Variants in TPMT observed in about 807,000 individuals in gnomAD.
TPMT encodes S-adenosyl-L-methionine:thiopurine S-methyltransferase.
A neutral mutation model predicts 34.2 loss-of-function variants in TPMT; 18 were observed. That is an observed-to-expected ratio of 0.53 (90% CI 0.36 to 0.78). TPMT has a LOEUF of 0.78. TPMT is among the 30% of genes least tolerant of loss of function. The pLI is 0.00. For synonymous variants in TPMT, 69 were observed against 92.4 expected (o/e 0.75, Z 1.45); for missense variants, 265 against 288.1 (o/e 0.92, Z 0.58).
In TPMT at chr6:18,132,350, C is replaced by T. The variant is rs1253346476; in HGVS notation, c.581-173G>A. Reference sequence around the variant, plus strand: ...ACTTACTGAGAGGATGGCAATGTTACATCCCCATCATATCCATCTTTAGCT... The same window carrying T: ...ACTTACTGAGAGGATGGCAATGTTATATCCCCATCATATCCATCTTTAGCT... On this transcript the variant is annotated intron_variant, in intron 7 of 8. Coordinates refer to ENST00000309983, the MANE Select transcript of TPMT (RefSeq NM_000367.5). This position sits in a 1 kb window ranked among gnomAD's most constrained non-coding sequence, Gnocchi z 4.8. Among the ~76,000 whole-genome samples, 1 of 152,168 alleles carries T rather than the reference C, an allele frequency of 6.6e-6. No individual in the cohort carries two copies. The highest frequency in any genetic ancestry group is 1.5e-5 in the Non-Finnish European group (1 of 68,032).
intron 6 of TPMT, among the ~76,000 whole-genome samples, chr6:18,137,764 G>A (rs904134967): frequency 1.3e-5 from 2 of 152,098 alleles, no homozygotes; most frequent in African/African-American, 4.8e-5. Context: ...GTCTAACAAA[G>A]GGATCATGAG....
Position 18,146,074 on chromosome 6 carries a change from T to C in TPMT, c.233+1749A>G, listed in dbSNP as rs1561891212. On this transcript the variant is annotated intron_variant, in intron 3 of 8. Transcript: ENST00000309983. This position sits in a 1 kb window ranked among gnomAD's most constrained non-coding sequence, Gnocchi z 6.2. ...TTTCTATTCACATCTCATGTCTGTA[T>C]AGACCTCAATACATAGATCAGTTAC... 6.6e-6 allele frequency among the ~76,000 whole-genome samples: 1 copy of C among 152,222 alleles called. No individual in the cohort carries two copies. Among genetic ancestry groups the C allele is most frequent in the East Asian group, 1.9e-4 (1 of 5,200 alleles).
rs1582048920 is a variant in TPMT, at chr6:18,150,167, G to T, written c.-44-996C>A. Among the ~76,000 whole-genome samples the T allele has an allele frequency of 6.6e-6, 1 of 152,168 alleles. No individual in the cohort carries two copies. The highest frequency in any genetic ancestry group is 1.5e-5 in the Non-Finnish European group (1 of 68,036). On this transcript the variant is annotated intron_variant, in intron 1 of 8. Transcript: ENST00000309983. The surrounding 1 kb of genome is among the most constrained non-coding windows in gnomAD (Gnocchi z 5.3). ...CACTTTGGGTTTGCTTAATTTGCTAGAGCAACTCACAAACCTCAGAGAAAT... is the reference window on the plus strand; with the variant it reads ...CACTTTGGGTTTGCTTAATTTGCTATAGCAACTCACAAACCTCAGAGAAAT...
Position 18,130,385 on chromosome 6 carries a change from C to A in TPMT, c.*283G>T. ...TTTTTAATTGTACAGGTAACACATG[C>A]TGATTGGTAAAATATCTTGCAATCT... On this transcript the variant is annotated 3_prime_UTR_variant, in exon 9 of 9. Transcript: ENST00000309983. The surrounding 1 kb of genome is among the most constrained non-coding windows in gnomAD (Gnocchi z 4.2). The A allele has an allele frequency of 2.9e-6, 1 of 349,500 alleles. No individual in the cohort carries two copies. Among genetic ancestry groups the A allele is most frequent in the Non-Finnish European group, 5.3e-6 (1 of 188,178 alleles). The allele number at this position is 349,500 out of a possible 1,614,324, so 21.6% of individuals were successfully genotyped here.
rs1454458643 is a variant in TPMT, at chr6:18,149,830, A to C, written c.-44-659T>G. On this transcript the variant is annotated intron_variant, in intron 1 of 8. Transcript: ENST00000309983. The surrounding 1 kb of genome is among the most constrained non-coding windows in gnomAD (Gnocchi z 5.0). ...TCAGTGCGTCTGGTGGTAGAATAAT[A>C]CCCCTTAATACACATTACAAGAGAT... is the stretch of plus-strand genomic sequence containing the variant. Among the ~76,000 whole-genome samples, 1 of 152,036 alleles carries C rather than the reference A, an allele frequency of 6.6e-6. No individual in the cohort carries two copies. The highest frequency in any genetic ancestry group is 1.5e-5 in the Non-Finnish European group (1 of 68,006).
In TPMT at chr6:18,146,054, A is replaced by T. The variant is rs1265694623; in HGVS notation, c.233+1769T>A. On this transcript the variant is annotated intron_variant, in intron 3 of 8. Coordinates refer to ENST00000309983, the MANE Select transcript of TPMT (RefSeq NM_000367.5). The surrounding 1 kb of genome is among the most constrained non-coding windows in gnomAD (Gnocchi z 6.2). Reference sequence around the variant, plus strand: ...GCCTTAGCTCATGGTCAGTTTTTCTATTCACATCTCATGTCTGTATAGACC... The same window carrying T: ...GCCTTAGCTCATGGTCAGTTTTTCTTTTCACATCTCATGTCTGTATAGACC... Among the ~76,000 whole-genome samples the T allele has an allele frequency of 6.6e-6, 1 of 152,132 alleles. No individual in the cohort carries two copies. The highest frequency in any genetic ancestry group is 1.5e-5 in the Non-Finnish European group (1 of 68,026).
At position 18,148,005 on chromosome 6, in the gene TPMT, T is replaced by A; in HGVS notation, c.141-90A>T. On this transcript the variant is annotated intron_variant, in intron 2 of 8. Transcript: ENST00000309983. This position sits in a 1 kb window ranked among gnomAD's most constrained non-coding sequence, Gnocchi z 4.1. ...ATCTCACTTAATATTCCCAACAACC[T>A]TAATAAGCAGTTACTATTAATTATT... 1 of 1,017,320 alleles carries A rather than the reference T, an allele frequency of 9.8e-7. No homozygotes were observed. The highest frequency in any genetic ancestry group is 1.5e-6 in the Non-Finnish European group (1 of 651,526). 63.0% of individuals were successfully genotyped at this position (1,017,320 alleles called of 1,614,324 possible).
Sources: gnomAD v4.1 joint callset for allele counts (sites outside exome capture counted in the v4.1 genomes callset) on GRCh38, gnomAD v4.1.1 for gene constraint, Gnocchi (gnomAD v3.1) non-coding constraint, MANE v1.5 for transcripts, NCBI Gene and HGNC (gene_info 2026-07-23, HGNC 2026-07-21) for gene names.